The following DSCAM variants were observed in gnomAD, a reference collection of about 807,000 sequenced individuals.
DSCAM encodes cell adhesion molecule DSCAM.
Under a neutral mutation model 217.7 loss-of-function variants are expected in DSCAM, and 47 were observed. The observed-to-expected ratio is 0.22, with a 90% CI of 0.17 to 0.28. The LOEUF (loss-of-function observed/expected upper bound fraction) is 0.28, where lower values mean the gene tolerates loss of function less well. Ranked by LOEUF, DSCAM falls within the 10% of genes least tolerant of loss-of-function variation. The probability of loss-of-function intolerance (pLI) is 1.00; values close to 1 mark genes in which losing one functional copy is unlikely to be tolerated. For synonymous variants in DSCAM, 1,056 were observed against 1,015.3 expected, an observed-to-expected ratio of 1.04 and a Z score of -0.76; for missense variants, 2,080 against 2,618.3, an observed-to-expected ratio of 0.79 and a Z score of 4.49.
At chr21:40,622,976 T>G (rs1432456402) in intron 3 of DSCAM, among the ~76,000 whole-genome samples, 1 of 152,170 alleles carries the variant, frequency 6.6e-6, no homozygotes, top group African/African-American at 2.4e-5. Context: ...AAATTTCAAC[T>G]TATTACTAAA....
chr21:40,705,090 G>C (rs1461275547), intron 2 of DSCAM, among the ~76,000 whole-genome samples: 2 of 152,198 alleles, frequency 1.3e-5, no homozygotes, highest in Admixed American at 1.3e-4. Flanking sequence ...CTGGGGACAA[G>C]AGACCAGATG....
chr21:40,768,231 T>G (rs939569931), intron 1 of DSCAM, among the ~76,000 whole-genome samples: 1 of 151,944 alleles, frequency 6.6e-6, no homozygotes, highest in African/African-American at 2.4e-5. Flanking sequence ...AGTCACCCCC[T>G]GCCTGAATTG....
intron 3 of DSCAM, among the ~76,000 whole-genome samples, chr21:40,583,034 T>A (rs1272241952): frequency 2.0e-5 from 3 of 151,910 alleles, no homozygotes; most frequent in African/African-American, 7.3e-5. Flanking sequence ...AGTAAAAAAA[T>A]ATATATAGAT....
intron 3 of DSCAM, among the ~76,000 whole-genome samples, chr21:40,540,005 G>A (rs535767131): frequency 6.6e-6 from 1 of 152,084 alleles, no homozygotes; most frequent in Admixed American, 6.5e-5. Flanking sequence ...AGTGTCGATA[G>A]CCTTTAGCAG....
At position 40,627,746 on chromosome 21, in the gene DSCAM, G is replaced by A. The variant is rs1032630387; in HGVS notation, c.508+65064C>T. Among the ~76,000 whole-genome samples, 37 of 152,282 alleles carry A rather than the reference G, an allele frequency of 2.4e-4. 1 individual carries two copies. The highest frequency in any genetic ancestry group is 7.5e-4 in the African/African-American group (31 of 41,560). ...GATATACTATCTCCATGATTCAGAC[G>A]TGAAAGCTCCGATTTGGAGAAGCAC... On this transcript the variant is annotated intron_variant, in intron 3 of 32. Transcript: ENST00000400454.
chr21:40,248,172 A>G (rs996029499), intron 11 of DSCAM, among the ~76,000 whole-genome samples: 1 of 152,176 alleles, frequency 6.6e-6, no homozygotes, highest in African/African-American at 2.4e-5. Context: ...GGTCTGTGAT[A>G]AGAACGGCTG....
Position 40,733,040 on chromosome 21 carries a change from C to A in DSCAM, c.44-24269G>T, listed in dbSNP as rs532930839. ...TCTTCCTGTATCTGAGAAACTTTCT[C>A]TAAAATCATTACCTTCCTGACCTAT... On this transcript the variant is annotated intron_variant, in intron 1 of 32. Coordinates refer to ENST00000400454, the MANE Select transcript of DSCAM (RefSeq NM_001389.5). Among the ~76,000 whole-genome samples the A allele has an allele frequency of 2.0e-5, 3 of 152,312 alleles. No homozygotes were observed. In the South Asian group the frequency reaches 6.2e-4, roughly 32 times the overall value.
At chr21:40,179,732 C>G (rs2090778442) in intron 14 of DSCAM, among the ~76,000 whole-genome samples, 1 of 152,186 alleles carries the variant, frequency 6.6e-6, no homozygotes, top group African/African-American at 2.4e-5. Context: ...TATTTTTCAA[C>G]CACAGCTAAT....
At chr21:40,124,054 T>C (rs184788280) in intron 20 of DSCAM, 141 bp downstream of exon 20, 421 of 1,108,436 alleles carry the variant, frequency 3.8e-4, no homozygotes, top group Non-Finnish European at 4.8e-4. Context: ...TTGTTTTGTA[T>C]GTGGAGACAG....
At chr21:40,794,250 A>G (rs910696680) in intron 1 of DSCAM, among the ~76,000 whole-genome samples, 2 of 152,192 alleles carry the variant, frequency 1.3e-5, no homozygotes, top group African/African-American at 4.8e-5. Flanking sequence ...TAAAGAAGCA[A>G]TAAGTGATAT....
rs539744651 is a variant in DSCAM, at chr21:40,059,725, A to G, written c.4919+3144T>C. Among the ~76,000 whole-genome samples, 3 of 152,346 alleles carry G rather than the reference A, an allele frequency of 2.0e-5. No individual in the cohort carries two copies. The East Asian group carries it at 5.8e-4, about 29-fold the overall frequency. ...TTTTTATTTTTTAGGTAAGGAAAAC[A>G]AAGCGGTAAAATGACCTACTAAGAT... On this transcript the variant is annotated intron_variant, in intron 28 of 32. Transcript: ENST00000400454.
At chr21:40,677,010 T>A (rs1401944799) in intron 3 of DSCAM, among the ~76,000 whole-genome samples, 1 of 152,128 alleles carries the variant, frequency 6.6e-6, no homozygotes, top group East Asian at 1.9e-4. Flanking sequence ...AGGGTTTCAA[T>A]TCAAACAGAT....
chr21:40,299,428 ATGTAC>A (rs1359056104), intron 9 of DSCAM, among the ~76,000 whole-genome samples: 3 of 152,302 alleles, frequency 2.0e-5, no homozygotes, highest in African/African-American at 7.2e-5. Flanking sequence ...GGGAACATCC[ATGTAC>A]TTACATCAAG....
intron 10 of DSCAM, among the ~76,000 whole-genome samples, chr21:40,281,360 A>G (rs1304621304): frequency 6.6e-6 from 1 of 152,204 alleles, no homozygotes; most frequent in Non-Finnish European, 1.5e-5. Flanking sequence ...TTAATTATTT[A>G]ATAATTTTAA....
At chr21:40,676,419 G>A (rs918972389) in intron 3 of DSCAM, among the ~76,000 whole-genome samples, 2 of 152,320 alleles carry the variant, frequency 1.3e-5, no homozygotes, top group Middle Eastern at 6.8e-3. Flanking sequence ...GTTTACTGGA[G>A]AACCCTGGGA....
chr21:40,678,115 TG>T (rs1429179214), intron 3 of DSCAM, among the ~76,000 whole-genome samples: 1 of 152,210 alleles, frequency 6.6e-6, no homozygotes, highest in Non-Finnish European at 1.5e-5. Flanking sequence ...TGAATCATTT[TG>T]GGAAGTACAG....
In DSCAM at chr21:40,144,799, C is replaced by T; in HGVS notation, c.3019-68G>A. ...AGGACAAGAGCGAAATCAACGCCCA[C>T]ACCCACGTAGGAAAGCAGAAATAAA... On this transcript the variant is annotated intron_variant, in intron 16 of 32. Coordinates refer to ENST00000400454, the MANE Select transcript of DSCAM (RefSeq NM_001389.5). The surrounding 1 kb of genome is among the most constrained non-coding windows in gnomAD (Gnocchi z 4.8). The T allele has an allele frequency of 1.3e-6, 2 of 1,595,790 alleles. No homozygotes were observed. The highest frequency in any genetic ancestry group is 1.7e-6 in the Non-Finnish European group (2 of 1,171,236).
In DSCAM at chr21:40,304,361, T is replaced by C. The variant is rs74483804; in HGVS notation, c.2062+7720A>G. On this transcript the variant is annotated intron_variant, in intron 9 of 32. Transcript: ENST00000400454. ...AGGGCCTTGCCCTGTATCAAGCTTG[T>C]ACTTAAGGGAATGTGGTGGCTGGTT... is the stretch of plus-strand genomic sequence containing the variant. 3.5e-3 allele frequency among the ~76,000 whole-genome samples: 536 copies of C among 152,362 alleles called. 3 individuals are homozygous for C. Among genetic ancestry groups the C allele is most frequent in the Non-Finnish European group, 5.7e-3 (388 of 68,026 alleles).
At chr21:40,359,288 T>C (rs1337544833) in intron 4 of DSCAM, among the ~76,000 whole-genome samples, 1 of 152,188 alleles carries the variant, frequency 6.6e-6, no homozygotes, top group African/African-American at 2.4e-5. Context: ...GCCCCCTCAG[T>C]GAAGTCACTT....
Sources: allele counts gnomAD v4.1 joint callset (sites outside exome capture counted in the v4.1 genomes callset), GRCh38; gene constraint gnomAD v4.1.1; non-coding constraint Gnocchi (gnomAD v3.1); transcripts MANE v1.5; gene names NCBI Gene and HGNC (gene_info 2026-07-23, HGNC 2026-07-21).